Variants in PPP2R2C observed in about 807,000 individuals in gnomAD.
PPP2R2C encodes protein phosphatase 2, regulatory subunit B, gamma.
A neutral mutation model predicts 45.3 loss-of-function variants in PPP2R2C; 10 were observed. The observed-to-expected ratio is 0.22, with a 90% confidence interval of 0.14 to 0.37. The LOEUF is 0.37. Among genes scored for constraint, PPP2R2C ranks in the 10% least tolerant of loss-of-function variants. The probability of loss-of-function intolerance (pLI) is 1.00; values close to 1 mark genes in which losing one functional copy is unlikely to be tolerated. For synonymous variants in PPP2R2C, 257 were observed against 245.4 expected, an observed-to-expected ratio of 1.05 and a Z score of -0.44; for missense variants, 308 against 619.7, an observed-to-expected ratio of 0.50 and a Z score of 5.34.
At chr4:6,553,566 G>A (rs1577255391) in intron 1 of PPP2R2C, among the ~76,000 whole-genome samples, 1 of 152,316 alleles carries the variant, frequency 6.6e-6, no homozygotes, top group South Asian at 2.1e-4. Flanking sequence ...AAGGTGGCCA[G>A]GAGAGATGAG....
intron 1 of PPP2R2C, among the ~76,000 whole-genome samples, chr4:6,539,095 G>A (rs1055945488): frequency 5.9e-4 from 89 of 151,918 alleles, no homozygotes; most frequent in African/African-American, 1.8e-3. Context: ...TTGAGATGGC[G>A]TCATTAAGCT....
At chr4:6,436,406 A>G (rs983571646) in intron 1 of PPP2R2C, among the ~76,000 whole-genome samples, 1 of 152,232 alleles carries the variant, frequency 6.6e-6, no homozygotes, top group Non-Finnish European at 1.5e-5. Context: ...CTTTGGAGAC[A>G]TCCTGCACCC....
At chr4:6,388,362 C>T (rs1716375135) in intron 1 of PPP2R2C, among the ~76,000 whole-genome samples, 1 of 152,176 alleles carries the variant, frequency 6.6e-6, no homozygotes, top group Non-Finnish European at 1.5e-5. Flanking sequence ...AAGATGGTAT[C>T]GTGGGTTGAA....
At chr4:6,351,419 G>A (rs1033905711) in intron 5 of PPP2R2C, 26 of 970,304 alleles carry the variant, frequency 2.7e-5, no homozygotes, top group Non-Finnish European at 2.9e-5. Flanking sequence ...CCCAGGGCCG[G>A]CTGAGGGGCA....
In PPP2R2C at chr4:6,546,016, T is replaced by C. The variant is rs573058908; in HGVS notation, c.-58-10639A>G. 1.3e-4 allele frequency among the ~76,000 whole-genome samples: 19 copies of C among 151,448 alleles called. No individual in the cohort carries two copies. The South Asian group carries it at 3.8e-3, about 30-fold the overall frequency. On this transcript the variant is annotated intron_variant, in intron 1 of 9. Coordinates refer to the PPP2R2C transcript ENST00000506140. ...TCCAGAGAAGCATGGAGAGATGGAG[T>C]TATTGGGACCCACAAAGCACAGAAT...
chr4:6,351,415 G>T (rs1712540523), intron 5 of PPP2R2C: 11 of 977,416 alleles, frequency 1.1e-5, no homozygotes, highest in Non-Finnish European at 1.2e-5. Flanking sequence ...GCAACCCAGG[G>T]CCGGCTGAGG....
At chr4:6,506,122 A>C (rs1174856586) in intron 2 of PPP2R2C, among the ~76,000 whole-genome samples, 1 of 152,228 alleles carries the variant, frequency 6.6e-6, no homozygotes, top group African/African-American at 2.4e-5. Flanking sequence ...ACCTTCTAAA[A>C]TAATGTGTTG....
At chr4:6,504,640 T>C (rs960740065) in intron 2 of PPP2R2C, among the ~76,000 whole-genome samples, 1 of 152,072 alleles carries the variant, frequency 6.6e-6, no homozygotes, top group Non-Finnish European at 1.5e-5. Context: ...AATCTAGAAC[T>C]GAAAAATACA....
intron 2 of PPP2R2C, among the ~76,000 whole-genome samples, chr4:6,480,285 CTA>C (rs1261142892): frequency 2.6e-5 from 4 of 152,176 alleles, no homozygotes; most frequent in African/African-American, 9.7e-5. Context: ...CAGCTCTACC[CTA>C]GTTTCTTCAT....
chr4:6,363,950 C>T (rs1714045810), intron 5 of PPP2R2C, among the ~76,000 whole-genome samples: 1 of 152,186 alleles, frequency 6.6e-6, no homozygotes, highest in Admixed American at 6.5e-5. Context: ...AGGCCGGGGT[C>T]CTCCCCACCT....
intron 1 of PPP2R2C, among the ~76,000 whole-genome samples, chr4:6,431,697 G>T (rs2109411095): frequency 6.6e-6 from 1 of 152,276 alleles, no homozygotes; most frequent in African/African-American, 2.4e-5. Flanking sequence ...ACACCTCGGG[G>T]CCTGCCTCTG....
chr4:6,532,239 T>A (rs1335308177), intron 2 of PPP2R2C, among the ~76,000 whole-genome samples: 1 of 152,198 alleles, frequency 6.6e-6, no homozygotes, highest in African/African-American at 2.4e-5. Context: ...GTCATGATCA[T>A]CATCCCCAGT....
chr4:6,334,262 C>A (rs1380068204), intron 6 of PPP2R2C, among the ~76,000 whole-genome samples: 1 of 152,128 alleles, frequency 6.6e-6, no homozygotes, highest in East Asian at 1.9e-4. Flanking sequence ...TGTTTCATTG[C>A]CATGGGGTTT....
intron 2 of PPP2R2C, among the ~76,000 whole-genome samples, chr4:6,494,979 C>T (rs1264187792): frequency 6.6e-6 from 1 of 152,214 alleles, no homozygotes; most frequent in Non-Finnish European, 1.5e-5. Flanking sequence ...GTCCCTGTGA[C>T]AGGGGAAGCT....
intron 5 of PPP2R2C, among the ~76,000 whole-genome samples, chr4:6,366,778 AC>A (rs1714348531): frequency 6.6e-6 from 1 of 152,138 alleles, no homozygotes; most frequent in Non-Finnish European, 1.5e-5. Context: ...CATGCCAGGG[AC>A]CCAGCAGCTG....
chr4:6,331,311 T>C lies in PPP2R2C; in HGVS notation c.961-1958A>G, dbSNP rs1479254040. ...TGCTGGCTCTGTCACAGATTTGCCA[T>C]TTAACTCAATTGTCTTCCAATAAAA... On this transcript the variant is annotated intron_variant, in intron 7 of 8. Transcript: ENST00000382599. The surrounding 1 kb of genome is among the most constrained non-coding windows in gnomAD (Gnocchi z 5.9). Among the ~76,000 whole-genome samples, 2 of 152,092 alleles carry C rather than the reference T, an allele frequency of 1.3e-5. No homozygotes were observed. The highest frequency in any genetic ancestry group is 2.9e-5 in the Non-Finnish European group (2 of 68,028).
At chr4:6,499,512 A>C (rs1038831083) in intron 2 of PPP2R2C, among the ~76,000 whole-genome samples, 2 of 151,952 alleles carry the variant, frequency 1.3e-5, no homozygotes, top group Non-Finnish European at 2.9e-5. Flanking sequence ...TTGGAAAGGG[A>C]TTTTCAATGT....
At chr4:6,511,168 G>A (rs965720598) in intron 2 of PPP2R2C, among the ~76,000 whole-genome samples, 1 of 152,164 alleles carries the variant, frequency 6.6e-6, no homozygotes, top group African/African-American at 2.4e-5. Flanking sequence ...AGTGTTACAT[G>A]AGAAAAACAC....
At chr4:6,494,713 G>T (rs952745358) in intron 2 of PPP2R2C, among the ~76,000 whole-genome samples, 3 of 152,196 alleles carry the variant, frequency 2.0e-5, no homozygotes, top group African/African-American at 7.2e-5. Context: ...GGGCAGACAG[G>T]CATCCTGGGA....
Sources: allele counts gnomAD v4.1 joint callset (sites outside exome capture counted in the v4.1 genomes callset), GRCh38; gene constraint gnomAD v4.1.1; non-coding constraint Gnocchi (gnomAD v3.1); transcripts MANE v1.5; gene names NCBI Gene and HGNC (gene_info 2026-07-23, HGNC 2026-07-21).